The following PPP1R16B variants were observed in gnomAD, a reference collection of about 807,000 sequenced individuals.
PPP1R16B encodes protein phosphatase 1 regulatory inhibitor subunit 16B.
Under a neutral mutation model 61.7 loss-of-function variants are expected in PPP1R16B, and 14 were observed. That is an observed-to-expected ratio of 0.23 (90% CI 0.15 to 0.35). PPP1R16B has a LOEUF of 0.35. Among genes scored for constraint, PPP1R16B ranks in the 10% least tolerant of loss-of-function variants. The probability of loss-of-function intolerance (pLI) is 1.00; values close to 1 mark genes in which losing one functional copy is unlikely to be tolerated. For missense variants in PPP1R16B, 547 were observed against 752.5 expected, an observed-to-expected ratio of 0.73 and a Z score of 3.19; for synonymous variants, 266 against 305.3, an observed-to-expected ratio of 0.87 and a Z score of 1.34.
intron 2 of PPP1R16B, among the ~76,000 whole-genome samples, chr20:38,886,951 T>C (rs1303648705): frequency 6.6e-6 from 1 of 152,212 alleles, no homozygotes; most frequent in Non-Finnish European, 1.5e-5. Flanking sequence ...ATAATTGTAG[T>C]TGTGACAAGG....
intron 2 of PPP1R16B, among the ~76,000 whole-genome samples, chr20:38,865,260 C>A (rs2085082095): frequency 6.6e-6 from 1 of 150,406 alleles, no homozygotes. Flanking sequence ...GGGCACCTAC[C>A]CTGTGCCATG....
At chr20:38,879,110 A>AG (rs1429733093) in intron 2 of PPP1R16B, among the ~76,000 whole-genome samples, 1 of 152,124 alleles carries the variant, frequency 6.6e-6, no homozygotes, top group African/African-American at 2.4e-5. Context: ...AGAATTCTGG[A>AG]GGTAGAATCA....
At chr20:38,917,579 A>G (rs1235738865) in intron 10 of PPP1R16B, among the ~76,000 whole-genome samples, 1 of 152,224 alleles carries the variant, frequency 6.6e-6, no homozygotes, top group African/African-American at 2.4e-5. Flanking sequence ...CTTCATATAC[A>G]GAGGAAGGAT....
At chr20:38,822,467 A>T (rs1601236049) in intron 1 of PPP1R16B, among the ~76,000 whole-genome samples, 2 of 143,640 alleles carry the variant, frequency 1.4e-5, no homozygotes, top group Non-Finnish European at 1.5e-5. Flanking sequence ...TCCAGTTTCT[A>T]CTTGCTTGTA....
chr20:38,895,974 C>T (rs1382972737), intron 4 of PPP1R16B, among the ~76,000 whole-genome samples: 4 of 110,212 alleles, frequency 3.6e-5, no homozygotes, highest in African/African-American at 1.7e-4. Context: ...TTTCTTCCCT[C>T]CCTCCCTCCT....
At chr20:38,867,082 A>G (rs148628728) in intron 2 of PPP1R16B, among the ~76,000 whole-genome samples, 9 of 152,266 alleles carry the variant, frequency 5.9e-5, no homozygotes, top group African/African-American at 1.9e-4. Flanking sequence ...ATGTGTCAGT[A>G]CATTATTCCT....
Position 38,918,961 on chromosome 20 carries a change from G to A in PPP1R16B, c.*295G>A, listed in dbSNP as rs2085567705. 1 of 341,632 alleles carries A rather than the reference G, an allele frequency of 2.9e-6. No homozygotes were observed. The highest frequency in any genetic ancestry group is 7.5e-5 in the South Asian group (1 of 13,272). 21.2% of individuals were successfully genotyped at this position (341,632 alleles called of 1,614,324 possible). A position where few individuals can be genotyped will look rare whatever the true frequency, so the allele number is the denominator to read the frequency against. ...GCTTGAGATCCCAGCTCTATTCTTG[G>A]TATAAAGGCTTCTCCGGATCAGTAC... On this transcript the variant is annotated 3_prime_UTR_variant, in exon 11 of 11. Transcript: ENST00000299824. This position sits in a 1 kb window ranked among gnomAD's most constrained non-coding sequence, Gnocchi z 5.3.
At chr20:38,915,065 C>T (rs1203026200) in intron 10 of PPP1R16B, among the ~76,000 whole-genome samples, 1 of 152,022 alleles carries the variant, frequency 6.6e-6, no homozygotes, top group African/African-American at 2.4e-5. Context: ...CCCATATACA[C>T]CCCCCTCCAC....
rs1483977476 is a variant in PPP1R16B at position 38,806,724 on chromosome 20, G to A, written c.-102+932G>A. Among the ~76,000 whole-genome samples the A allele has an allele frequency of 6.6e-6, 1 of 151,952 alleles. No individual in the cohort carries two copies. The highest frequency in any genetic ancestry group is 1.9e-4 in the East Asian group (1 of 5,156). On this transcript the variant is annotated intron_variant, in intron 1 of 10. Transcript: ENST00000299824. The surrounding 1 kb of genome is among the most constrained non-coding windows in gnomAD (Gnocchi z 4.5). The stretch of plus-strand genomic sequence containing the variant: ...CTCCCTTCCTCCGCTCCCCCACCCC[G>A]GCCCGGCCTCCAGCTTCACTGGAGA...
In PPP1R16B at chr20:38,832,952, G is replaced by A. The variant is rs148576804; in HGVS notation, c.-101-2873G>A. 1.3e-3 allele frequency among the ~76,000 whole-genome samples: 203 copies of A among 151,568 alleles called. 1 individual carries two copies. Among genetic ancestry groups the A allele is most frequent in the African/African-American group, 4.7e-3 (193 of 41,346 alleles). On this transcript the variant is annotated intron_variant, in intron 1 of 10. Transcript: ENST00000299824. ...AAAAGTAAATGTGCAATTACCATAT[G>A]CCTTATCACTTGTACTCTTGGGTAT...
rs1342158921 is a variant in PPP1R16B, at chr20:38,806,735, C to T, written c.-102+943C>T. 6.6e-6 allele frequency among the ~76,000 whole-genome samples: 1 copy of T among 152,214 alleles called. No individual in the cohort carries two copies. The highest frequency in any genetic ancestry group is 1.9e-4 in the East Asian group (1 of 5,172). ...CGCTCCCCCACCCCGGCCCGGCCTC[C>T]AGCTTCACTGGAGATGCTGATGATG... On this transcript the variant is annotated intron_variant, in intron 1 of 10. Coordinates refer to ENST00000299824, the MANE Select transcript of PPP1R16B (RefSeq NM_015568.4). This position sits in a 1 kb window ranked among gnomAD's most constrained non-coding sequence, Gnocchi z 4.5.
At chr20:38,878,851 A>T (rs73114239) in intron 2 of PPP1R16B, among the ~76,000 whole-genome samples, 27,409 of 152,132 alleles carry the variant, frequency 0.18, 3,276 homozygotes, top group African/African-American at 0.34. Context: ...TATAAAGTAA[A>T]TGGACTATTT....
At chr20:38,894,152 C>A (rs1305765530) in intron 3 of PPP1R16B, among the ~76,000 whole-genome samples, 1 of 147,524 alleles carries the variant, frequency 6.8e-6, no homozygotes, top group Non-Finnish European at 1.5e-5. Context: ...CCGGCTGGCG[C>A]AGAAAGAACC....
At chr20:38,832,556 C>T (rs2084843941) in intron 1 of PPP1R16B, among the ~76,000 whole-genome samples, 1 of 152,220 alleles carries the variant, frequency 6.6e-6, no homozygotes, top group South Asian at 2.1e-4. Context: ...AACTGGATCA[C>T]TCACACATTG....
chr20:38,913,375 G>T lies in PPP1R16B; in HGVS notation c.1195-4782G>T, dbSNP rs376802599. On this transcript the variant is annotated intron_variant, in intron 10 of 10. Coordinates refer to ENST00000299824, the MANE Select transcript of PPP1R16B (RefSeq NM_015568.4). ...CCTCCCAGGTTCAAGTGATTTTCCT[G>T]CCTTAGCCTCCTGAGTAGCTGGAAC... Among the ~76,000 whole-genome samples, 48 of 151,300 alleles carry T rather than the reference G, an allele frequency of 3.2e-4. No individual in the cohort carries two copies. The East Asian group carries it at 8.3e-3, about 26-fold the overall frequency.
intron 2 of PPP1R16B, chr20:38,872,772 G>C (rs542286517): frequency 6.5e-6 from 1 of 152,916 alleles, no homozygotes; most frequent in Non-Finnish European, 1.5e-5. Flanking sequence ...GTGGGTGTGC[G>C]GCACGGTGGC....
chr20:38,893,575 A>AGTGGGAGGAGGCGGGAGGAG, intron 3 of PPP1R16B, among the ~76,000 whole-genome samples: 1 of 125,242 alleles, frequency 8.0e-6, no homozygotes. Flanking sequence ...GAAGGGAGGA[A>AGTGGGAGGAGGCGGGAGGAG]GTGGGAGGAG....
chr20:38,889,917 T>G (rs1300263499), intron 3 of PPP1R16B, among the ~76,000 whole-genome samples: 1 of 152,192 alleles, frequency 6.6e-6, no homozygotes. Context: ...AGGGAGCCTT[T>G]GTTCACTGCA....
chr20:38,914,111 A>G (rs978328694), intron 10 of PPP1R16B, among the ~76,000 whole-genome samples: 2 of 151,936 alleles, frequency 1.3e-5, no homozygotes, highest in African/African-American at 4.8e-5. Context: ...TGAACCTGGG[A>G]GGCAGAGGTT....
Sources: gnomAD v4.1 joint callset for allele counts (sites outside exome capture counted in the v4.1 genomes callset) on GRCh38, gnomAD v4.1.1 for gene constraint, Gnocchi (gnomAD v3.1) non-coding constraint, MANE v1.5 for transcripts, NCBI Gene and HGNC (gene_info 2026-07-23, HGNC 2026-07-21) for gene names.